The following EEPD1 variants were observed in gnomAD, a reference collection of about 807,000 sequenced individuals.
EEPD1 encodes endonuclease/exonuclease/phosphatase family domain-containing protein 1.
Under a neutral mutation model 46.3 loss-of-function variants are expected in EEPD1, and 17 were observed. The ratio of observed to expected loss-of-function variants is 0.37; its 90% CI spans 0.25 to 0.55. The LOEUF (loss-of-function observed/expected upper bound fraction) is 0.55. Ranked by LOEUF, EEPD1 falls within the 20% of genes least tolerant of loss-of-function variation. The pLI is 0.83. For synonymous variants in EEPD1, 313 were observed against 315.6 expected (o/e 0.99, Z 0.09); for missense variants, 673 against 745.6 (o/e 0.90, Z 1.13).
chr7:36,170,433 A>G (rs6972272), intron 2 of EEPD1, among the ~76,000 whole-genome samples: 23,859 of 149,414 alleles, frequency 0.16, 2,020 homozygotes, highest in Middle Eastern at 0.24. Flanking sequence ...TATATTTTGT[A>G]TATATAAAAT....
intron 2 of EEPD1, among the ~76,000 whole-genome samples, chr7:36,215,702 A>G (rs1178200663): frequency 1.3e-5 from 2 of 151,834 alleles, no homozygotes; most frequent in Non-Finnish European, 2.9e-5. Context: ...TTGTGGTTAG[A>G]TCCTTGGGGA....
intron 2 of EEPD1, among the ~76,000 whole-genome samples, chr7:36,233,973 C>A (rs752796189): frequency 2.0e-5 from 3 of 152,072 alleles, no homozygotes; most frequent in Admixed American, 2.0e-4. Flanking sequence ...GGCTGGAGTG[C>A]CTGGTGTCAT....
chr7:36,199,789 C>T (rs1420192), intron 2 of EEPD1, among the ~76,000 whole-genome samples: 80,638 of 151,658 alleles, frequency 0.53, 22,351 homozygotes, highest in East Asian at 0.77. Context: ...GGGAGTGCTT[C>T]CCTGGGGGTC....
intron 3 of EEPD1, among the ~76,000 whole-genome samples, chr7:36,257,729 T>C (rs1786849425): frequency 6.6e-6 from 1 of 152,202 alleles, no homozygotes; most frequent in African/African-American, 2.4e-5. Flanking sequence ...TCCTCTAACC[T>C]TTTTTCAAGG....
At chr7:36,273,503 TA>T (rs549932857) in intron 3 of EEPD1, among the ~76,000 whole-genome samples, 69 of 152,220 alleles carry the variant, frequency 4.5e-4, no homozygotes, top group African/African-American at 1.5e-3. Flanking sequence ...AATAAGAGCT[TA>T]AAAGTGAGCT....
chr7:36,271,236 T>C (rs1040812532), intron 3 of EEPD1, among the ~76,000 whole-genome samples: 3 of 152,174 alleles, frequency 2.0e-5, no homozygotes, highest in Non-Finnish European at 4.4e-5. Context: ...TCTGCCCGCC[T>C]TGCTGGGATT....
chr7:36,155,487 G>A (rs1306625224), intron 2 of EEPD1, among the ~76,000 whole-genome samples: 1 of 152,184 alleles, frequency 6.6e-6, no homozygotes, highest in East Asian at 1.9e-4. Flanking sequence ...TTACTGCTTT[G>A]GAGGATGCTG....
intron 2 of EEPD1, among the ~76,000 whole-genome samples, chr7:36,189,257 A>G (rs74973470): frequency 0.04 from 6,067 of 152,268 alleles, 382 homozygotes; most frequent in African/African-American, 0.14. Context: ...GGTTAATCCA[A>G]TTTGCAGAAG....
chr7:36,231,907 C>A (rs570634410), intron 2 of EEPD1, among the ~76,000 whole-genome samples: 79 of 152,148 alleles, frequency 5.2e-4, no homozygotes, highest in African/African-American at 1.8e-3. Flanking sequence ...GAAATAAATA[C>A]CATAAACTGG....
intron 3 of EEPD1, among the ~76,000 whole-genome samples, chr7:36,247,882 A>G (rs1044508889): frequency 6.6e-6 from 1 of 152,228 alleles, no homozygotes; most frequent in African/African-American, 2.4e-5. Flanking sequence ...AGATCTTCTC[A>G]TAGTGTGACT....
chr7:36,170,379 A>T (rs1785057271), intron 2 of EEPD1, among the ~76,000 whole-genome samples: 1 of 152,162 alleles, frequency 6.6e-6, no homozygotes, highest in Non-Finnish European at 1.5e-5. Context: ...ACTGCACTCC[A>T]GCCTGGGTGA....
intron 2 of EEPD1, among the ~76,000 whole-genome samples, chr7:36,232,766 G>A (rs1786358438): frequency 6.6e-6 from 1 of 151,512 alleles, no homozygotes; most frequent in African/African-American, 2.4e-5. Context: ...CCTGTGCCAG[G>A]TGTGTTCTAG....
At chr7:36,230,033 G>A (rs1465222740) in intron 2 of EEPD1, among the ~76,000 whole-genome samples, 5 of 151,974 alleles carry the variant, frequency 3.3e-5, no homozygotes, top group Non-Finnish European at 5.9e-5. Context: ...GACCAGACTC[G>A]CATCTTCAGC....
chr7:36,293,241 T>C (rs1215196742), intron 6 of EEPD1, among the ~76,000 whole-genome samples: 1 of 152,220 alleles, frequency 6.6e-6, no homozygotes, highest in Non-Finnish European at 1.5e-5. Context: ...ATTTTTTTAA[T>C]AAATACTTCA....
chr7:36,282,402 G>A (rs1787275732), intron 4 of EEPD1, among the ~76,000 whole-genome samples: 1 of 152,218 alleles, frequency 6.6e-6, no homozygotes, highest in Non-Finnish European at 1.5e-5. Flanking sequence ...ATGCCTGCAT[G>A]TTTTCACTCT....
intron 3 of EEPD1, among the ~76,000 whole-genome samples, chr7:36,247,667 G>A (rs747157121): frequency 7.2e-5 from 11 of 152,188 alleles, no homozygotes; most frequent in Non-Finnish European, 1.5e-4. Context: ...CAGCAGGTGT[G>A]TTGGTAATCC....
In EEPD1 at chr7:36,301,198, G is replaced by T. The variant is rs545737273; in HGVS notation, c.*1992G>T. The T allele has an allele frequency of 1.3e-5, 2 of 152,316 alleles. No individual in the cohort carries two copies. The highest frequency in any genetic ancestry group is 1.5e-5 in the Non-Finnish European group (1 of 68,038). 9.4% of individuals were successfully genotyped at this position (152,316 alleles called of 1,614,324 possible). A position where few individuals can be genotyped will look rare whatever the true frequency, so the allele number is the denominator to read the frequency against. ...GCTGAGTCCCAGCCAAACCTCACTG[G>T]CCCTTTTGCTTTTCACGCCCAGGGC... On this transcript the variant is annotated 3_prime_UTR_variant, in exon 8 of 8. Coordinates refer to ENST00000242108, the MANE Select transcript of EEPD1 (RefSeq NM_030636.3).
At chr7:36,166,686 C>T (rs548233290) in intron 2 of EEPD1, among the ~76,000 whole-genome samples, 6 of 152,296 alleles carry the variant, frequency 3.9e-5, no homozygotes, top group African/African-American at 1.2e-4. Flanking sequence ...ACAATATTTG[C>T]ATTCATTCAA....
chr7:36,164,180 A>G (rs1481171007), intron 2 of EEPD1, among the ~76,000 whole-genome samples: 2 of 152,196 alleles, frequency 1.3e-5, no homozygotes, highest in Non-Finnish European at 2.9e-5. Flanking sequence ...AATTGTCTTA[A>G]CCACACTTAT....
Sources: allele counts gnomAD v4.1 joint callset (sites outside exome capture counted in the v4.1 genomes callset), GRCh38; gene constraint gnomAD v4.1.1; transcripts MANE v1.5; gene names NCBI Gene and HGNC (gene_info 2026-07-23, HGNC 2026-07-21).